Variants in NRXN3 observed in about 807,000 individuals in gnomAD.
NRXN3 encodes the protein neurexin 3.
NRXN3 carries 32 observed loss-of-function variants against 137.6 expected under a neutral mutation model. That is an observed-to-expected ratio of 0.23 (90% CI 0.18 to 0.31). The LOEUF (loss-of-function observed/expected upper bound fraction) is 0.31. Ranked by LOEUF, NRXN3 falls within the 10% of genes least tolerant of loss-of-function variation. The probability of loss-of-function intolerance (pLI) is 1.00; values close to 1 mark genes in which losing one functional copy is unlikely to be tolerated. For synonymous variants in NRXN3, 798 were observed against 784.5 expected (o/e 1.02, Z -0.29); for missense variants, 1,574 against 2,062.5 (o/e 0.76, Z 4.59).
At chr14:79,538,940 G>A (rs2097243474) in intron 16 of NRXN3, among the ~76,000 whole-genome samples, 1 of 152,092 alleles carries the variant, frequency 6.6e-6, no homozygotes, top group African/African-American at 2.4e-5. Context: ...ATTCATTTTT[G>A]TTTATAAAGT....
chr14:79,046,507 A>G (rs1022124725), intron 15 of NRXN3, among the ~76,000 whole-genome samples: 1 of 152,236 alleles, frequency 6.6e-6, no homozygotes, highest in Non-Finnish European at 1.5e-5. Flanking sequence ...GCCTGAGTAT[A>G]CCTAAATCAG....
chr14:78,265,602 A>G (rs2071560768), intron 2 of NRXN3, among the ~76,000 whole-genome samples: 1 of 152,158 alleles, frequency 6.6e-6, no homozygotes, highest in African/African-American at 2.4e-5. Context: ...CCACCTCTAA[A>G]TCCAGTGCTT....
chr14:79,306,678 C>A (rs2153225969), intron 15 of NRXN3, among the ~76,000 whole-genome samples: 1 of 152,192 alleles, frequency 6.6e-6, no homozygotes, highest in South Asian at 2.1e-4. Flanking sequence ...TGCTAGCTTT[C>A]TACTTTTCCA....
chr14:79,317,333 A>G (rs1461115098), intron 15 of NRXN3, among the ~76,000 whole-genome samples: 1 of 152,094 alleles, frequency 6.6e-6, no homozygotes, highest in Non-Finnish European at 1.5e-5. Context: ...TTTGCTGACA[A>G]TCTTTGGCAT....
chr14:79,777,428 T>A (rs1260179781), intron 19 of NRXN3, among the ~76,000 whole-genome samples: 3 of 151,706 alleles, frequency 2.0e-5, no homozygotes, highest in Non-Finnish European at 4.4e-5. Flanking sequence ...ACTGAAAATG[T>A]GTTTCAAACT....
intron 15 of NRXN3, among the ~76,000 whole-genome samples, chr14:79,108,655 T>C (rs1363728453): frequency 6.6e-6 from 1 of 152,158 alleles, no homozygotes; most frequent in Non-Finnish European, 1.5e-5. Flanking sequence ...CAGCATACTT[T>C]TTTGAATGCC....
At chr14:79,536,009 C>A (rs1471344277) in intron 16 of NRXN3, among the ~76,000 whole-genome samples, 1 of 152,182 alleles carries the variant, frequency 6.6e-6, no homozygotes. Flanking sequence ...CATATGGTGA[C>A]CCTTGTGCTC....
intron 16 of NRXN3, among the ~76,000 whole-genome samples, chr14:79,552,031 C>T (rs761821240): frequency 1.4e-4 from 22 of 152,110 alleles, no homozygotes; most frequent in Non-Finnish European, 2.8e-4. Flanking sequence ...TCTTCCTTCC[C>T]GTGGTTCATT....
chr14:78,316,496 A>C (rs923914250), intron 4 of NRXN3, among the ~76,000 whole-genome samples: 14 of 152,190 alleles, frequency 9.2e-5, no homozygotes, highest in African/African-American at 2.7e-4. Context: ...CTGCCTCTTT[A>C]TCTGAAAGGT....
intron 4 of NRXN3, among the ~76,000 whole-genome samples, chr14:78,515,732 T>G (rs532226274): frequency 1.3e-5 from 2 of 151,828 alleles, no homozygotes; most frequent in Non-Finnish European, 2.9e-5. Context: ...AAAACAGAGT[T>G]CAAAAGAGGA....
At chr14:79,358,638 AAAG>A (rs2093559053) in intron 15 of NRXN3, among the ~76,000 whole-genome samples, 1 of 150,928 alleles carries the variant, frequency 6.6e-6, no homozygotes, top group African/African-American at 2.4e-5. Context: ...AGAAAGAAAG[AAAG>A]AAAGAAAGAA....
intron 4 of NRXN3, among the ~76,000 whole-genome samples, chr14:78,493,523 C>CAAATAAATAAAT (rs144261455): frequency 2.9e-4 from 40 of 139,228 alleles, no homozygotes; most frequent in East Asian, 6.5e-4. Context: ...AACTCCATCT[C>CAAATAAATAAAT]AAATAAATAA....
At chr14:78,308,481 C>A (rs1454010654) in intron 4 of NRXN3, among the ~76,000 whole-genome samples, 4 of 152,094 alleles carry the variant, frequency 2.6e-5, no homozygotes, top group Admixed American at 6.6e-5. Context: ...TGTACTTTGA[C>A]CTCCTTAGGA....
At chr14:78,184,582 C>A (rs935640866) in intron 1 of NRXN3, among the ~76,000 whole-genome samples, 4 of 152,202 alleles carry the variant, frequency 2.6e-5, no homozygotes, top group Admixed American at 2.6e-4. Context: ...AGACTCTAAC[C>A]TTTTATTTAA....
intron 16 of NRXN3, among the ~76,000 whole-genome samples, chr14:79,645,569 T>A (rs1230843737): frequency 7.8e-6 from 1 of 127,946 alleles, no homozygotes; most frequent in Admixed American, 8.7e-5. Flanking sequence ...TGAGTTGAGA[T>A]GCGCCACTGC....
chr14:79,277,476 G>C (rs1450881528), intron 15 of NRXN3, among the ~76,000 whole-genome samples: 1 of 152,164 alleles, frequency 6.6e-6, no homozygotes, highest in Admixed American at 6.5e-5. Flanking sequence ...AGCAATAATA[G>C]CATAAGACCC....
chr14:78,600,772 T>C (rs2097195695), intron 4 of NRXN3, among the ~76,000 whole-genome samples: 1 of 152,156 alleles, frequency 6.6e-6, no homozygotes, highest in Admixed American at 6.5e-5. Context: ...CACAAGAACC[T>C]CAAACAACAA....
rs555872565 is a variant in NRXN3 at position 79,608,936 on chromosome 14, C to G, written c.3445-54842C>G. 6.6e-5 allele frequency among the ~76,000 whole-genome samples: 10 copies of G among 152,122 alleles called. No homozygotes were observed. The East Asian group carries it at 1.9e-3, about 29-fold the overall frequency. On this transcript the variant is annotated intron_variant, in intron 16 of 20. Transcript: ENST00000335750. ...TAAGACCCATATGCTTCAAAACGTT[C>G]TATATAATTCAGCTCAAAAGGATCT...
At chr14:79,396,487 A>AG (rs2095030453) in intron 15 of NRXN3, among the ~76,000 whole-genome samples, 1 of 152,140 alleles carries the variant, frequency 6.6e-6, no homozygotes, top group African/African-American at 2.4e-5. Context: ...AATTCAGTAC[A>AG]TCCAGAGCGG....
Sources: allele counts gnomAD v4.1 joint callset (sites outside exome capture counted in the v4.1 genomes callset), GRCh38; gene constraint gnomAD v4.1.1; transcripts MANE v1.5; gene names NCBI Gene and HGNC (gene_info 2026-07-23, HGNC 2026-07-21).